The following RALYL variants were observed in gnomAD, a reference collection of about 807,000 sequenced individuals.
RALYL encodes RALY RNA binding protein like, also known as RNA-binding Raly-like protein.
A neutral mutation model predicts 35.1 loss-of-function variants in RALYL; 29 were observed. That is an observed-to-expected ratio of 0.83 (90% CI 0.61 to 1.13). The LOEUF is 1.13. Among genes scored for constraint, RALYL ranks in the 50% most tolerant of loss-of-function variants. The probability of loss-of-function intolerance (pLI) is 0.00; values close to 1 mark genes in which losing one functional copy is unlikely to be tolerated. For synonymous variants in RALYL, 120 were observed against 127.6 expected, an observed-to-expected ratio of 0.94 and a Z score of 0.40; for missense variants, 359 against 360.4, an observed-to-expected ratio of 1.00 and a Z score of 0.03.
At chr8:84,223,168 C>A (rs1822839851) in intron 1 of RALYL, among the ~76,000 whole-genome samples, 1 of 33,440 alleles carries the variant, frequency 3.0e-5, no homozygotes, top group Non-Finnish European at 6.3e-5. Context: ...TTTCCTTCCT[C>A]CCTTCCCTTC....
At chr8:84,542,716 T>C (rs1447167497) in intron 2 of RALYL, among the ~76,000 whole-genome samples, 3 of 152,144 alleles carry the variant, frequency 2.0e-5, no homozygotes, top group Non-Finnish European at 4.4e-5. Flanking sequence ...CTTTATTAAT[T>C]ACCCAGTCTT....
intron 4 of RALYL, among the ~76,000 whole-genome samples, chr8:84,838,890 G>A (rs1457217448): frequency 6.6e-6 from 1 of 152,162 alleles, no homozygotes; most frequent in Non-Finnish European, 1.5e-5. Context: ...TGATGAGTGT[G>A]TCGTATTTTC....
intron 8 of RALYL, among the ~76,000 whole-genome samples, chr8:84,914,810 T>C (rs1317200310): frequency 6.6e-6 from 1 of 151,988 alleles, no homozygotes; most frequent in Non-Finnish European, 1.5e-5. Flanking sequence ...CAGGTAGAAG[T>C]TTATGGAAAA....
chr8:84,668,233 T>A (rs1832463260), intron 2 of RALYL, among the ~76,000 whole-genome samples: 1 of 152,156 alleles, frequency 6.6e-6, no homozygotes, highest in Non-Finnish European at 1.5e-5. Flanking sequence ...ATTAAAACCT[T>A]ATTTCACGTT....
chr8:84,841,470 A>G lies in RALYL; in HGVS notation c.366-8510A>G, dbSNP rs540086600. On this transcript the variant is annotated intron_variant, in intron 4 of 8. Coordinates refer to ENST00000521268, the MANE Select transcript of RALYL (RefSeq NM_173848.7). ...CAGGAGCACCCAGATTCATACAGCA[A>G]GTCCTTAGAGACCTACAAAGAGACT... is the stretch of plus-strand genomic sequence containing the variant. Among the ~76,000 whole-genome samples the G allele has an allele frequency of 1.2e-4, 19 of 152,338 alleles. No individual in the cohort carries two copies. The East Asian group carries it at 3.7e-3, about 29-fold the overall frequency.
chr8:84,751,772 G>A (rs1810093286), intron 2 of RALYL, among the ~76,000 whole-genome samples: 1 of 152,094 alleles, frequency 6.6e-6, no homozygotes. Context: ...TGCCAAGATT[G>A]AAAGTTTCCT....
chr8:84,756,788 T>TTTA (rs1811527549), intron 2 of RALYL, among the ~76,000 whole-genome samples: 1 of 152,036 alleles, frequency 6.6e-6, no homozygotes, highest in South Asian at 2.1e-4. Flanking sequence ...TGTTTTTTTT[T>TTTA]TTATTAGCAG....
chr8:84,323,727 T>C (rs1845298130), intron 1 of RALYL, among the ~76,000 whole-genome samples: 1 of 152,078 alleles, frequency 6.6e-6, no homozygotes, highest in Non-Finnish European at 1.5e-5. Flanking sequence ...ACCACACATA[T>C]TAAATTCCAG....
chr8:84,510,314 C>T (rs1400589487), intron 1 of RALYL, among the ~76,000 whole-genome samples: 1 of 152,142 alleles, frequency 6.6e-6, no homozygotes, highest in African/African-American at 2.4e-5. Context: ...TTAATTTCAA[C>T]TCCTCTGCAC....
At chr8:84,809,735 T>C (rs1825487013) in intron 4 of RALYL, among the ~76,000 whole-genome samples, 1 of 152,146 alleles carries the variant, frequency 6.6e-6, no homozygotes, top group Non-Finnish European at 1.5e-5. Context: ...CAGGAATTTA[T>C]CCATCTGTTC....
chr8:84,862,574 G>A, intron 6 of RALYL, 121 bp downstream of exon 6: 2 of 763,346 alleles, frequency 2.6e-6, no homozygotes, highest in Non-Finnish European at 1.9e-6. Context: ...TGTATAAAGT[G>A]TTAGAAAATC....
intron 1 of RALYL, among the ~76,000 whole-genome samples, chr8:84,360,736 C>T (rs1443794012): frequency 6.6e-6 from 1 of 152,064 alleles, no homozygotes; most frequent in African/African-American, 2.4e-5. Flanking sequence ...ATTTCAATCT[C>T]TCTAGGGAGG....
chr8:84,689,948 G>A (rs889264925), intron 2 of RALYL, among the ~76,000 whole-genome samples: 4 of 152,118 alleles, frequency 2.6e-5, no homozygotes, highest in African/African-American at 7.2e-5. Context: ...ATATAAATTG[G>A]TACAGCCCTG....
At chr8:84,329,782 A>G (rs895982871) in intron 1 of RALYL, among the ~76,000 whole-genome samples, 18 of 152,050 alleles carry the variant, frequency 1.2e-4, no homozygotes, top group Admixed American at 8.5e-4. Flanking sequence ...TTTCCTATCA[A>G]TTCCTTAGGT....
chr8:84,515,035 G>T (rs2057946345), intron 1 of RALYL, among the ~76,000 whole-genome samples: 1 of 152,104 alleles, frequency 6.6e-6, no homozygotes, highest in African/African-American at 2.4e-5. Flanking sequence ...AATCAGTTTG[G>T]CTTCTGGTCT....
intron 2 of RALYL, among the ~76,000 whole-genome samples, chr8:84,697,778 C>T (rs2132260950): frequency 6.6e-6 from 1 of 152,070 alleles, no homozygotes; most frequent in South Asian, 2.1e-4. Flanking sequence ...TCTGTTTTTC[C>T]CCGCTATGTG....
intron 1 of RALYL, among the ~76,000 whole-genome samples, chr8:84,472,084 CATTCTA>C (rs1420673147): frequency 3.3e-5 from 5 of 152,046 alleles, no homozygotes; most frequent in African/African-American, 1.2e-4. Context: ...TTAATCTAAA[CATTCTA>C]ATTCTTTGTT....
At chr8:84,354,230 T>A (rs1025830175) in intron 1 of RALYL, among the ~76,000 whole-genome samples, 4 of 150,350 alleles carry the variant, frequency 2.7e-5, no homozygotes, top group Admixed American at 2.0e-4. Flanking sequence ...AGTTGCTAGT[T>A]ACTAGAAGGC....
At chr8:84,799,304 C>A (rs1181384595) in intron 3 of RALYL, among the ~76,000 whole-genome samples, 1 of 152,028 alleles carries the variant, frequency 6.6e-6, no homozygotes, top group Admixed American at 6.6e-5. Flanking sequence ...ACCCATTGTG[C>A]CTTATAAGAA....
Sources: allele counts gnomAD v4.1 joint callset (sites outside exome capture counted in the v4.1 genomes callset), GRCh38; gene constraint gnomAD v4.1.1; transcripts MANE v1.5; gene names NCBI Gene and HGNC (gene_info 2026-07-23, HGNC 2026-07-21).